Variants in KIAA0753 observed in about 807,000 individuals in gnomAD.
KIAA0753 encodes the protein protein moonraker.
In KIAA0753, 114 loss-of-function variants were observed where a neutral mutation model predicts 116.9. The ratio of observed to expected loss-of-function variants is 0.98; its 90% CI spans 0.84 to 1.14. The LOEUF (loss-of-function observed/expected upper bound fraction) is 1.14. Among genes scored for constraint, KIAA0753 ranks in the 50% most tolerant of loss-of-function variants. The pLI is 0.00. For missense variants in KIAA0753, 1,156 were observed against 1,172.4 expected (o/e 0.99, Z 0.20); for synonymous variants, 405 against 413.1 (o/e 0.98, Z 0.24).
intron 18 of KIAA0753, among the ~76,000 whole-genome samples, chr17:6,585,725 A>G (rs1419789310): frequency 6.6e-6 from 1 of 152,070 alleles, no homozygotes; most frequent in African/African-American, 2.4e-5. Context: ...TTGTTTCATG[A>G]TATAACAGTT....
chr17:6,579,944 A>G (rs1597442218), intron 18 of KIAA0753, 80 bp from the exon 19 acceptor site: 1 of 1,005,162 alleles, frequency 9.9e-7, no homozygotes. Flanking sequence ...GCACTTTGGG[A>G]GGCCAAGATG....
At chr17:6,621,038 G>T in intron 6 of KIAA0753, 40 bp from the exon 7 acceptor site, 6 of 1,585,296 alleles carry the variant, frequency 3.8e-6, no homozygotes, top group Non-Finnish European at 3.4e-6. Context: ...AGTTTATCTC[G>T]CAAAAGTATG....
In KIAA0753 at chr17:6,596,163, T is replaced by C. The variant is rs774988932; in HGVS notation, c.2353A>G (p.Met785Val). The C allele has an allele frequency of 1.2e-6, 2 of 1,613,262 alleles. No individual in the cohort carries two copies. Among genetic ancestry groups the C allele is most frequent in the South Asian group, 1.1e-5 (1 of 91,042 alleles). Residue 785 changes from methionine (M) to valine (V), a missense_variant, in exon 15 of 19, where the codon ATG (methionine) becomes GTG (valine). By Grantham distance (21) the Met-to-Val change is conservative. Transcript: ENST00000361413. ...LEIMMRRMEE[M>V]EKYQESVRQR... is the part of the protein sequence containing the mutation. ...CCCGGAGCCCCAGACCTTACTTCCA[T>C]CTCTTCCATTCGGCGCATCATGATC...
rs112274144 is a variant in KIAA0753 at position 6,590,313 on chromosome 17, G to A, written c.2561+197C>T. Among the ~76,000 whole-genome samples, 251 of 152,152 alleles carry A rather than the reference G, an allele frequency of 1.6e-3. 3 individuals are homozygous for A. Among genetic ancestry groups the A allele is most frequent in the African/African-American group, 4.5e-3 (185 of 41,516 alleles). On this transcript the variant is annotated intron_variant, in intron 17 of 18. Coordinates refer to ENST00000361413, the MANE Select transcript of KIAA0753 (RefSeq NM_014804.3). ...AAAACAGCTAAATGTTATTGAATACGGAAAAGCTCCTTAAAATGCAACACA... is the reference window on the plus strand; with the variant it reads ...AAAACAGCTAAATGTTATTGAATACAGAAAAGCTCCTTAAAATGCAACACA...
intron 10 of KIAA0753, among the ~76,000 whole-genome samples, chr17:6,608,092 A>C (rs2150821810): frequency 6.6e-6 from 1 of 152,344 alleles, no homozygotes; most frequent in Middle Eastern, 3.4e-3. Flanking sequence ...CACATACAAA[A>C]CTAGCAAGTG....
intron 14 of KIAA0753, 144 bp from the exon 15 acceptor site, chr17:6,596,487 G>A (rs1366005310): frequency 4.8e-6 from 3 of 623,238 alleles, no homozygotes; most frequent in South Asian, 2.2e-5. Flanking sequence ...GAGTTTCTAT[G>A]GTAAAACAAG....
chr17:6,632,487 T>C (rs1178545013), intron 2 of KIAA0753, among the ~76,000 whole-genome samples: 4 of 152,094 alleles, frequency 2.6e-5, no homozygotes, highest in Non-Finnish European at 5.9e-5. Flanking sequence ...AGGGTAAAAT[T>C]AGAAATCCCC....
chr17:6,579,848 C>T lies in KIAA0753; in HGVS notation c.2803G>A (p.Val935Ile). 1.2e-6 allele frequency: 2 copies of T among 1,613,308 alleles called. No homozygotes were observed. Reference protein sequence around the residue: ...LIAESFSEELVDEALGAVAAE... With the variant: ...LIAESFSEELIDEALGAVAAE... ...GCCACAGCACCCAGAGCTTCATCTA[C>T]CAGCTCTTCTGAAAAGCTGGAAGAC... The change falls in exon 19 of 19, where the codon GTA becomes ATA. Residue 935 changes from valine to isoleucine, a missense_variant. By Grantham distance (29) the Val-to-Ile change is conservative. Transcript: ENST00000361413.
chr17:6,596,802 A>G (rs1253571344), intron 14 of KIAA0753, among the ~76,000 whole-genome samples: 1 of 152,192 alleles, frequency 6.6e-6, no homozygotes, highest in Admixed American at 6.5e-5. Flanking sequence ...CTCTGTACCT[A>G]TCATCTGGGA....
At chr17:6,584,366 A>G (rs1361372291) in intron 18 of KIAA0753, among the ~76,000 whole-genome samples, 1 of 152,198 alleles carries the variant, frequency 6.6e-6, no homozygotes, top group Non-Finnish European at 1.5e-5. Flanking sequence ...TTCTATTAAC[A>G]GTTATCCTCA....
intron 12 of KIAA0753, among the ~76,000 whole-genome samples, chr17:6,603,463 A>G (rs1467901136): frequency 3.9e-5 from 6 of 152,248 alleles, no homozygotes; most frequent in Non-Finnish European, 5.9e-5. Flanking sequence ...CTGATTTCTC[A>G]TTGGAAACAA....
At position 6,630,896 on chromosome 17, in the gene KIAA0753, A is replaced by C. The variant is rs557361400; in HGVS notation, c.94-2155T>G. ...AGAAGACATGAGAAAATATATATAC[A>C]TCTGAATCACTTGTGCAAAAAGAAA... On this transcript the variant is annotated intron_variant, in intron 2 of 18. Transcript: ENST00000361413. 1.2e-4 allele frequency among the ~76,000 whole-genome samples: 19 copies of C among 152,340 alleles called. 2 individuals carry two copies. The South Asian group carries it at 3.9e-3, about 32-fold the overall frequency.
At position 6,620,770 on chromosome 17, in the gene KIAA0753, A is replaced by G. The variant is rs372556389; in HGVS notation, c.1315+18T>C. 7.5e-6 allele frequency: 12 copies of G among 1,607,106 alleles called. 1 individual carries two copies. The South Asian group carries it at 1.2e-4, about 16-fold the overall frequency. ...TAATGAATAAAATGTCTTACAATAA[A>G]CACTTTAAGACACATACCGGCAAGA... is the stretch of plus-strand genomic sequence containing the variant. On this transcript the variant is annotated intron_variant, in intron 7 of 18. Coordinates refer to ENST00000361413, the MANE Select transcript of KIAA0753 (RefSeq NM_014804.3).
chr17:6,592,483 GT>G (rs1457965035), intron 16 of KIAA0753, among the ~76,000 whole-genome samples: 2 of 152,168 alleles, frequency 1.3e-5, no homozygotes, highest in African/African-American at 2.4e-5. Context: ...TTTGAGTAAC[GT>G]TTCCCAGCCA....
At chr17:6,590,451 T>C in intron 17 of KIAA0753, 59 bp downstream of exon 17, 1 of 1,594,326 alleles carries the variant, frequency 6.3e-7, no homozygotes, top group Non-Finnish European at 8.6e-7. Context: ...GAATTCAAAA[T>C]CTAATAACAT....
rs1477533287 is a variant in KIAA0753, at chr17:6,616,929, C to A, written c.1315+3859G>T. On this transcript the variant is annotated intron_variant, in intron 7 of 18. Coordinates refer to ENST00000361413, the MANE Select transcript of KIAA0753 (RefSeq NM_014804.3). The stretch of plus-strand genomic sequence containing the variant: ...AGGTCTCCTTGGTCCAAGTTTCCCC[C>A]CTTTGCCTCCCAGCTTTCCTACATT... Among the ~76,000 whole-genome samples the A allele has an allele frequency of 2.0e-5, 3 of 152,150 alleles. No individual in the cohort carries two copies. The South Asian group carries it at 6.2e-4, about 31-fold the overall frequency.
rs1280163398 is a variant in KIAA0753, at chr17:6,639,398, C to G, written c.-69+1239G>C. 1.3e-5 allele frequency: 2 copies of G among 152,352 alleles called. No homozygotes were observed. The highest frequency in any genetic ancestry group is 3.9e-4 in the East Asian group (2 of 5,186). 9.4% of individuals were successfully genotyped at this position (152,352 alleles called of 1,614,324 possible). A position where few individuals can be genotyped will look rare whatever the true frequency, so the allele number is the denominator to read the frequency against. ...GTCCCAGGCTCGCCCATAGTCTGTT[C>G]TTTTTCACAAGGGCCTGAGACAAAC... On this transcript the variant is annotated intron_variant, in intron 1 of 18. Coordinates refer to ENST00000361413, the MANE Select transcript of KIAA0753 (RefSeq NM_014804.3). This position sits in a 1 kb window ranked among gnomAD's most constrained non-coding sequence, Gnocchi z 4.3.
At chr17:6,608,048 C>T (rs572178891) in intron 10 of KIAA0753, among the ~76,000 whole-genome samples, 11 of 152,258 alleles carry the variant, frequency 7.2e-5, no homozygotes, top group African/African-American at 2.2e-4. Context: ...CCTATTTGCC[C>T]TTTTTAAAGT....
At chr17:6,589,209 AGGGT>A (rs1968806824) in intron 18 of KIAA0753, among the ~76,000 whole-genome samples, 1 of 152,090 alleles carries the variant, frequency 6.6e-6, no homozygotes, top group African/African-American at 2.4e-5. Flanking sequence ...TGAGGTCATG[AGGGT>A]GGAGGTCCCT....
Sources: gnomAD v4.1 joint callset for allele counts (sites outside exome capture counted in the v4.1 genomes callset) on GRCh38, gnomAD v4.1.1 for gene constraint, Gnocchi (gnomAD v3.1) non-coding constraint, MANE v1.5 for transcripts, NCBI Gene and HGNC (gene_info 2026-07-23, HGNC 2026-07-21) for gene names.